Variants in CERS6 observed in about 807,000 individuals in gnomAD.
The protein encoded by CERS6 is LAG1 homolog, ceramide synthase 6.
Under a neutral mutation model 56.8 loss-of-function variants are expected in CERS6, and 26 were observed. The ratio of observed to expected loss-of-function variants is 0.46; its 90% confidence interval spans 0.34 to 0.63. CERS6 has a LOEUF of 0.63. Ranked by LOEUF, CERS6 falls within the 30% of genes least tolerant of loss-of-function variation. CERS6 has a pLI of 0.01. For synonymous variants in CERS6, 164 were observed against 173.3 expected, an observed-to-expected ratio of 0.95 and a Z score of 0.42; for missense variants, 415 against 467.5, an observed-to-expected ratio of 0.89 and a Z score of 1.04.
chr2:168,513,753 T>G (rs915275364), intron 1 of CERS6, among the ~76,000 whole-genome samples: 2 of 152,186 alleles, frequency 1.3e-5, no homozygotes, highest in African/African-American at 4.8e-5. Flanking sequence ...AGCTGACACT[T>G]AAGGAATGGT....
chr2:168,722,915 G>T (rs1047165640), intron 8 of CERS6, among the ~76,000 whole-genome samples: 1 of 152,220 alleles, frequency 6.6e-6, no homozygotes, highest in African/African-American at 2.4e-5. Flanking sequence ...TGGCATCCCT[G>T]TGTAGATGGT....
At chr2:168,720,823 A>G (rs2105396981) in intron 8 of CERS6, among the ~76,000 whole-genome samples, 1 of 152,336 alleles carries the variant, frequency 6.6e-6, no homozygotes, top group African/African-American at 2.4e-5. Context: ...AACTCAATAG[A>G]AGTATTTGGA....
intron 7 of CERS6, among the ~76,000 whole-genome samples, chr2:168,717,245 T>G (rs1458082486): frequency 3.3e-5 from 5 of 152,200 alleles, no homozygotes; most frequent in Non-Finnish European, 7.3e-5. Flanking sequence ...CATGTAGTTT[T>G]GAAAATTCTA....
At chr2:168,498,320 T>C (rs1694511782) in intron 1 of CERS6, among the ~76,000 whole-genome samples, 1 of 152,130 alleles carries the variant, frequency 6.6e-6, no homozygotes, top group Non-Finnish European at 1.5e-5. Context: ...TTTTGGTGTG[T>C]GCTGTTGACT....
chr2:168,663,709 A>G (rs1487142662), intron 4 of CERS6, among the ~76,000 whole-genome samples: 1 of 152,198 alleles, frequency 6.6e-6, no homozygotes, highest in East Asian at 1.9e-4. Flanking sequence ...CAACAGTTAC[A>G]TAAAAAACAT....
chr2:168,650,814 T>C (rs1685324719), intron 4 of CERS6, among the ~76,000 whole-genome samples: 1 of 152,230 alleles, frequency 6.6e-6, no homozygotes, highest in Admixed American at 6.5e-5. Flanking sequence ...ATTTTGTTTT[T>C]CCTACTGTCA....
chr2:168,520,078 C>A (rs866356894), intron 1 of CERS6, among the ~76,000 whole-genome samples: 1 of 152,200 alleles, frequency 6.6e-6, no homozygotes, highest in Non-Finnish European at 1.5e-5. Context: ...TGCTCTGCAA[C>A]CTCACCAACA....
intron 4 of CERS6, among the ~76,000 whole-genome samples, chr2:168,672,069 G>A (rs1685932328): frequency 6.6e-6 from 1 of 152,182 alleles, no homozygotes; most frequent in African/African-American, 2.4e-5. Flanking sequence ...TACTAAAGTT[G>A]TTTCAGTTGG....
Position 168,693,264 on chromosome 2 carries a change from T to G in CERS6, c.517-1695T>G, listed in dbSNP as rs573076464. On this transcript the variant is annotated intron_variant, in intron 5 of 9. Coordinates refer to ENST00000305747, the MANE Select transcript of CERS6 (RefSeq NM_203463.3). ...CAACTGTACAATCTAGGTCTAGAAT[T>G]ATAGTACTAATTTTATAGGATTTTT... Among the ~76,000 whole-genome samples the G allele has an allele frequency of 2.0e-5, 3 of 152,252 alleles. No homozygotes were observed. The South Asian group carries it at 6.2e-4, about 32-fold the overall frequency.
At chr2:168,537,385 T>G (rs1695283974) in intron 1 of CERS6, among the ~76,000 whole-genome samples, 1 of 152,208 alleles carries the variant, frequency 6.6e-6, no homozygotes. Context: ...CTGAGCAGAG[T>G]GTATGACCAT....
intron 3 of CERS6, among the ~76,000 whole-genome samples, chr2:168,583,401 A>T (rs1485750915): frequency 1.3e-5 from 2 of 152,174 alleles, no homozygotes; most frequent in East Asian, 1.9e-4. Context: ...TCTGATTTGG[A>T]TAGGGGCAAA....
intron 8 of CERS6, among the ~76,000 whole-genome samples, chr2:168,739,052 A>ATTTTTTTTTTTTTTTTT (rs59967315): frequency 3.4e-5 from 3 of 87,624 alleles, no homozygotes; most frequent in African/African-American, 4.9e-5. Context: ...CACCCGGCTA[A>ATTTTTTTTTTTTTTTTT]TTTTTTTTTT....
chr2:168,613,978 T>C (rs1869372), intron 3 of CERS6, among the ~76,000 whole-genome samples: 2,605 of 152,310 alleles, frequency 0.017, 103 homozygotes, highest in East Asian at 0.16. Flanking sequence ...AAGAACTTCA[T>C]TGTGTGCATT....
intron 3 of CERS6, among the ~76,000 whole-genome samples, chr2:168,624,976 C>T (rs1271931919): frequency 6.6e-6 from 1 of 152,086 alleles, no homozygotes; most frequent in Non-Finnish European, 1.5e-5. Flanking sequence ...ATTTGTCCAA[C>T]TGTATAATTT....
At chr2:168,653,621 G>A (rs569193269) in intron 4 of CERS6, among the ~76,000 whole-genome samples, 2 of 152,210 alleles carry the variant, frequency 1.3e-5, no homozygotes, top group East Asian at 1.9e-4. Context: ...TCAGCTCCAC[G>A]TGACTGCCTT....
At chr2:168,730,895 T>C (rs942274107) in intron 8 of CERS6, among the ~76,000 whole-genome samples, 1 of 152,148 alleles carries the variant, frequency 6.6e-6, no homozygotes, top group Non-Finnish European at 1.5e-5. Context: ...TCCGAAGTTA[T>C]GAAGAAATGT....
chr2:168,671,612 A>G (rs1374069439), intron 4 of CERS6, among the ~76,000 whole-genome samples: 1 of 152,158 alleles, frequency 6.6e-6, no homozygotes, highest in Non-Finnish European at 1.5e-5. Flanking sequence ...ATTTATTTCT[A>G]TCTTTGGTTA....
At chr2:168,678,039 A>T (rs1444213888) in intron 4 of CERS6, among the ~76,000 whole-genome samples, 2 of 152,186 alleles carry the variant, frequency 1.3e-5, no homozygotes, top group Non-Finnish European at 2.9e-5. Flanking sequence ...AAAATTCAGG[A>T]AACAACAGGT....
intron 1 of CERS6, among the ~76,000 whole-genome samples, chr2:168,491,260 A>G (rs1267751586): frequency 1.3e-5 from 2 of 152,234 alleles, no homozygotes; most frequent in Non-Finnish European, 2.9e-5. Flanking sequence ...AAAAATACTT[A>G]AAACTAAGGA....
Sources: gnomAD v4.1 joint callset for allele counts (sites outside exome capture counted in the v4.1 genomes callset) on GRCh38, gnomAD v4.1.1 for gene constraint, MANE v1.5 for transcripts, NCBI Gene and HGNC (gene_info 2026-07-23, HGNC 2026-07-21) for gene names.